The following CLRN1 variants were observed in gnomAD, a reference collection of about 807,000 sequenced individuals.
The protein encoded by CLRN1 is clarin 1.
A neutral mutation model predicts 18.7 loss-of-function variants in CLRN1; 15 were observed. The observed-to-expected ratio is 0.80, with a 90% confidence interval of 0.54 to 1.23. The LOEUF is 1.23. CLRN1 is among the 50% of genes most tolerant of loss of function. The probability of loss-of-function intolerance (pLI) is 0.00; values close to 1 mark genes in which losing one functional copy is unlikely to be tolerated. For synonymous variants in CLRN1, 104 were observed against 102.9 expected (o/e 1.01, Z -0.07); for missense variants, 311 against 277.5 (o/e 1.12, Z -0.86).
intron 1 of CLRN1, chr3:150,943,680 C>A: frequency 7.2e-7 from 1 of 1,394,254 alleles, no homozygotes; most frequent in Non-Finnish European, 1.0e-6. Context: ...GCCCTTTGCC[C>A]TCACAGGCAG....
intron 2 of CLRN1, 129 bp from the exon 3 acceptor site, chr3:150,928,330 A>G: frequency 1.7e-6 from 2 of 1,183,414 alleles, no homozygotes; most frequent in Non-Finnish European, 2.4e-6. Flanking sequence ...ACAAAAAATT[A>G]TTGCATATTT....
At chr3:150,931,744 A>T (rs1310230332) in intron 2 of CLRN1, among the ~76,000 whole-genome samples, 1 of 152,236 alleles carries the variant, frequency 6.6e-6, no homozygotes, top group Non-Finnish European at 1.5e-5. Flanking sequence ...CGGTAGGATC[A>T]GTCCTACATG....
chr3:150,964,790 T>C (rs930657210), intron 1 of CLRN1, among the ~76,000 whole-genome samples: 6 of 152,258 alleles, frequency 3.9e-5, no homozygotes, highest in Middle Eastern at 3.4e-3. Context: ...CTCAGCAAAC[T>C]GACGCAGGAA....
chr3:150,945,494 G>A (rs758796696), intron 1 of CLRN1: 128 of 1,284,124 alleles, frequency 1.0e-4, no homozygotes, highest in Middle Eastern at 3.3e-4. Flanking sequence ...CTTTGCCACC[G>A]CTGGATGTAA....
At chr3:150,931,578 G>A (rs570435566) in intron 2 of CLRN1, among the ~76,000 whole-genome samples, 1 of 152,182 alleles carries the variant, frequency 6.6e-6, no homozygotes, top group African/African-American at 2.4e-5. Context: ...TCAGAGGGTG[G>A]CTGAGGAATA....
intron 1 of CLRN1, among the ~76,000 whole-genome samples, chr3:150,969,310 T>A (rs951260062): frequency 1.5e-5 from 1 of 65,904 alleles, no homozygotes; most frequent in Non-Finnish European, 2.7e-5. Flanking sequence ...TATATATATA[T>A]ATATTTTTTT....
rs770667302 is a variant in CLRN1, at chr3:150,972,549, G to A, written c.160C>T (p.Leu54=). The change falls in exon 1 of 3, where the codon CTG becomes TTG. Residue 54 remains leucine, a synonymous_variant. Transcript: ENST00000327047. ...ALLVNASGQE[L]DKFMGEMQYG... is the part of the protein sequence containing the mutation. ...TGCATTTCACCCATAAACTTGTCCA[G>A]CTCCTGCCCTGAGGCATTGACGAGC... 6.2e-7 allele frequency: 1 copy of A among 1,614,036 alleles called. No homozygotes were observed. Among genetic ancestry groups the A allele is most frequent in the East Asian group, 2.2e-5 (1 of 44,894 alleles).
chr3:150,930,025 G>C (rs1246599821), intron 2 of CLRN1, among the ~76,000 whole-genome samples: 1 of 152,178 alleles, frequency 6.6e-6, no homozygotes, highest in East Asian at 1.9e-4. Flanking sequence ...TTATATGGGG[G>C]ATAGTTGTGG....
rs75733473 is a variant in CLRN1, at chr3:150,952,068, C to G, written c.254-10307G>C. Among the ~76,000 whole-genome samples the G allele has an allele frequency of 4.9e-3, 739 of 152,302 alleles. 4 individuals are homozygous for G. The highest frequency in any genetic ancestry group is 0.016 in the African/African-American group (667 of 41,564). On this transcript the variant is annotated intron_variant, in intron 1 of 2. Coordinates refer to ENST00000327047, the MANE Select transcript of CLRN1 (RefSeq NM_174878.3). ...TGTTAAAGGTCGCAGATGCTGACCT[C>G]CTGTTGTCAGGACTTGCAGTTGTCC...
chr3:150,957,620 C>T (rs2107976136), intron 1 of CLRN1, among the ~76,000 whole-genome samples: 1 of 152,280 alleles, frequency 6.6e-6, no homozygotes, highest in South Asian at 2.1e-4. Flanking sequence ...TCTACCCATT[C>T]ATATTAGTGT....
chr3:150,960,314 G>A (rs879707181), intron 1 of CLRN1, among the ~76,000 whole-genome samples: 1 of 152,152 alleles, frequency 6.6e-6, no homozygotes, highest in Admixed American at 6.6e-5. Context: ...AGTGGGGAAT[G>A]TAAGAACTCA....
Position 150,927,885 on chromosome 3 carries a change from A to C in CLRN1, c.*51T>G. ...ATATGCAAAATTAACCACATCTAAA[A>C]GTGACCAAAGCAAGTCTACTCCCTT... On this transcript the variant is annotated 3_prime_UTR_variant, in exon 3 of 3. Transcript: ENST00000327047. 6.2e-7 allele frequency: 1 copy of C among 1,609,660 alleles called. No individual in the cohort carries two copies. Among genetic ancestry groups the C allele is most frequent in the Non-Finnish European group, 8.5e-7 (1 of 1,176,730 alleles).
chr3:150,941,252 T>C (rs1025350825), intron 2 of CLRN1, among the ~76,000 whole-genome samples: 2 of 150,932 alleles, frequency 1.3e-5, no homozygotes, highest in African/African-American at 2.4e-5. Flanking sequence ...TTTATATATA[T>C]AATCAAATTA....
At chr3:150,972,731 G>A (rs375476727), upstream of CLRN1, 46 of 1,614,152 alleles carry the variant, frequency 2.8e-5, no homozygotes, top group African/African-American at 6.0e-4. Context: ...CTTCTGTGAG[G>A]GCGAGGTTCA....
At chr3:150,945,829 A>T (rs1032070806) in intron 1 of CLRN1, 26 of 368,026 alleles carry the variant, frequency 7.1e-5, no homozygotes, top group South Asian at 6.6e-4. Context: ...GGGAGTGTAA[A>T]TTGTTATAAC....
At chr3:150,945,127 A>G (rs13092829) in intron 1 of CLRN1, among the ~76,000 whole-genome samples, 134,582 of 152,152 alleles carry the variant, frequency 0.88, 59,969 homozygotes, top group East Asian at 1. Context: ...TTATGTGCTA[A>G]GTGCCTCAAT....
chr3:150,948,935 T>A (rs1479939431), intron 1 of CLRN1, among the ~76,000 whole-genome samples: 1 of 152,196 alleles, frequency 6.6e-6, no homozygotes, highest in Non-Finnish European at 1.5e-5. Flanking sequence ...ATATCCGTGA[T>A]GAACATCAAT....
chr3:150,956,183 T>A (rs1714729275), intron 1 of CLRN1, among the ~76,000 whole-genome samples: 1 of 152,202 alleles, frequency 6.6e-6, no homozygotes, highest in African/African-American at 2.4e-5. Context: ...TTTTTCTTTT[T>A]TATTTTGGAG....
At chr3:150,964,662 C>T (rs928992332) in intron 1 of CLRN1, among the ~76,000 whole-genome samples, 2 of 152,164 alleles carry the variant, frequency 1.3e-5, no homozygotes, top group Admixed American at 6.5e-5. Flanking sequence ...AGCCAAATGC[C>T]CATCAATGAT....
Sources: allele counts gnomAD v4.1 joint callset (sites outside exome capture counted in the v4.1 genomes callset), GRCh38; gene constraint gnomAD v4.1.1; transcripts MANE v1.5; gene names NCBI Gene and HGNC (gene_info 2026-07-23, HGNC 2026-07-21).